AGAP1: variants seen among roughly 807,000 people sequenced by gnomAD.
AGAP1 encodes ArfGAP with GTPase domain, ankyrin repeat and PH domain 1, also known as arf-GAP with GTPase, ANK repeat and PH domain-containing protein 1.
AGAP1 carries 29 observed loss-of-function variants against 105.3 expected under a neutral mutation model. That is an observed-to-expected ratio of 0.28 (90% CI 0.21 to 0.38). The LOEUF (loss-of-function observed/expected upper bound fraction) is 0.38, where lower values mean the gene tolerates loss of function less well. AGAP1 is among the 10% of genes least tolerant of loss of function. AGAP1 has a pLI of 1.00. For synonymous variants in AGAP1, 509 were observed against 485.9 expected, an observed-to-expected ratio of 1.05 and a Z score of -0.63; for missense variants, 998 against 1,165.1, an observed-to-expected ratio of 0.86 and a Z score of 2.09.
At chr2:236,079,079 G>A (rs1290596252) in intron 16 of AGAP1, among the ~76,000 whole-genome samples, 2 of 152,136 alleles carry the variant, frequency 1.3e-5, no homozygotes, top group East Asian at 1.9e-4. Context: ...TTAGGGCTCC[G>A]ATGCCACACC....
At chr2:235,805,275 G>C (rs926402945) in intron 8 of AGAP1, among the ~76,000 whole-genome samples, 3 of 152,160 alleles carry the variant, frequency 2.0e-5, no homozygotes, top group Non-Finnish European at 4.4e-5. Context: ...CAGATATTGA[G>C]TTTGGTGGTT....
chr2:235,989,220 TC>T lies in AGAP1; in HGVS notation c.1645+20598del. Among the ~76,000 whole-genome samples, 1 of 152,316 alleles carries T rather than the reference TC, an allele frequency of 6.6e-6. No individual in the cohort carries two copies. Among genetic ancestry groups the T allele is most frequent in the South Asian group, 2.1e-4 (1 of 4,818 alleles). On this transcript the variant is annotated intron_variant, in intron 13 of 17. Coordinates refer to ENST00000304032, the MANE Select transcript of AGAP1 (RefSeq NM_001037131.3). The surrounding 1 kb of genome is among the most constrained non-coding windows in gnomAD (Gnocchi z 4.4). ...CTTCTTCCCTGGAATTAGATATTTTTCGTTCAAGCTGCTGACAGGTATTTAT... is the reference window on the plus strand; with the variant it reads ...CTTCTTCCCTGGAATTAGATATTTTTGTTCAAGCTGCTGACAGGTATTTAT...
In AGAP1 at chr2:236,131,671, A is replaced by G. The variant is rs1269541409; in HGVS notation, c.*7549A>G. Reference sequence around the variant, plus strand: ...CCAGTTTGTATTTTCCTGCCTTGGGATTTTTTTGTGTCCGCTGTACAGTAT... The same window carrying G: ...CCAGTTTGTATTTTCCTGCCTTGGGGTTTTTTTGTGTCCGCTGTACAGTAT... On this transcript the variant is annotated 3_prime_UTR_variant, in exon 18 of 18. Transcript: ENST00000304032. This position sits in a 1 kb window ranked among gnomAD's most constrained non-coding sequence, Gnocchi z 5.9. 6.6e-6 allele frequency: 1 copy of G among 151,850 alleles called. No individual in the cohort carries two copies. The highest frequency in any genetic ancestry group is 1.5e-5 in the Non-Finnish European group (1 of 67,968). 9.4% of individuals were successfully genotyped at this position (151,850 alleles called of 1,614,324 possible). A position where few individuals can be genotyped will look rare whatever the true frequency, so the allele number is the denominator to read the frequency against.
At chr2:235,997,455 C>G (rs901788406) in intron 13 of AGAP1, among the ~76,000 whole-genome samples, 2 of 152,198 alleles carry the variant, frequency 1.3e-5, no homozygotes, top group Non-Finnish European at 2.9e-5. Context: ...CTAATGCTTT[C>G]CAGCACCTTT....
intron 16 of AGAP1, among the ~76,000 whole-genome samples, chr2:236,069,820 C>T (rs1239298381): frequency 6.6e-6 from 1 of 152,244 alleles, no homozygotes; most frequent in South Asian, 2.1e-4. Context: ...GTGACACTTT[C>T]TCTAGGGGAT....
chr2:236,034,362 AT>A (rs576389734), intron 13 of AGAP1, among the ~76,000 whole-genome samples: 65 of 151,774 alleles, frequency 4.3e-4, no homozygotes, highest in African/African-American at 1.5e-3. Context: ...TGTTGAAGGC[AT>A]GACCTGCAGA....
At position 235,577,853 on chromosome 2, in the gene AGAP1, G is replaced by GT; in HGVS notation, c.163+83004_163+83005insT. 3.3e-5 allele frequency among the ~76,000 whole-genome samples: 5 copies of GT among 152,030 alleles called. No homozygotes were observed. The highest frequency in any genetic ancestry group is 1.2e-4 in the African/African-American group (5 of 41,378). ...CAAAAGGCCCATGTCTGCTCGCTGG[G>GT]ACCTGATAGTTCGCCTTTGTACGGA... On this transcript the variant is annotated intron_variant, in intron 1 of 17. Coordinates refer to ENST00000304032, the MANE Select transcript of AGAP1 (RefSeq NM_001037131.3). This position sits in a 1 kb window ranked among gnomAD's most constrained non-coding sequence, Gnocchi z 4.5.
intron 12 of AGAP1, among the ~76,000 whole-genome samples, chr2:235,948,135 C>T (rs1208152429): frequency 1.3e-5 from 2 of 152,196 alleles, no homozygotes; most frequent in Non-Finnish European, 2.9e-5. Context: ...GTAATGAGGA[C>T]ATACTCATCT....
chr2:235,598,692 C>T (rs983764766), intron 1 of AGAP1, among the ~76,000 whole-genome samples: 4 of 152,164 alleles, frequency 2.6e-5, no homozygotes, highest in Non-Finnish European at 4.4e-5. Context: ...ACAGATGATG[C>T]GTTTTTGCTG....
At chr2:236,054,967 A>G (rs1333685786) in intron 16 of AGAP1, among the ~76,000 whole-genome samples, 1 of 152,188 alleles carries the variant, frequency 6.6e-6, no homozygotes, top group African/African-American at 2.4e-5. Context: ...TCAAGTGAGT[A>G]ATAGAGGCAG....
At chr2:235,756,073 G>A (rs1953902959) in intron 6 of AGAP1, among the ~76,000 whole-genome samples, 1 of 152,218 alleles carries the variant, frequency 6.6e-6, no homozygotes, top group Admixed American at 6.5e-5. Flanking sequence ...AGAGTGGAGA[G>A]CGGGCTCTGC....
In AGAP1 at chr2:235,818,072, A is replaced by G. The variant is rs927158828; in HGVS notation, c.1050+10741A>G. 2.0e-5 allele frequency among the ~76,000 whole-genome samples: 3 copies of G among 152,220 alleles called. No homozygotes were observed. In the South Asian group the frequency reaches 6.2e-4, roughly 32 times the overall value. On this transcript the variant is annotated intron_variant, in intron 9 of 17. Transcript: ENST00000304032. ...TGGTTCAATCCGATCTGCTCCCTGC[A>G]ATATTTACTCCCTAACCTTTCCTTC...
At chr2:236,039,056 G>T (rs1001936498) in intron 14 of AGAP1, among the ~76,000 whole-genome samples, 1 of 151,966 alleles carries the variant, frequency 6.6e-6, no homozygotes, top group Non-Finnish European at 1.5e-5. Context: ...GAATTCTTAC[G>T]CAAAAATCAA....
chr2:235,823,364 G>A (rs1958903743), intron 9 of AGAP1, among the ~76,000 whole-genome samples: 3 of 152,060 alleles, frequency 2.0e-5, no homozygotes, highest in Admixed American at 6.6e-5. Context: ...CGAGCTCCTG[G>A]CCTCAAGCAA....
rs1404447712 is a variant in AGAP1 at position 235,769,813 on chromosome 2, C to G, written c.673+19325C>G. ...TCCGAGGCAGCCTGGCTTGTGTTAG[C>G]TGAGTTCTGCTTTGGCACAGGGGAG... On this transcript the variant is annotated intron_variant, in intron 6 of 17. Coordinates refer to ENST00000304032, the MANE Select transcript of AGAP1 (RefSeq NM_001037131.3). The surrounding 1 kb of genome is among the most constrained non-coding windows in gnomAD (Gnocchi z 4.4). Among the ~76,000 whole-genome samples the G allele has an allele frequency of 1.3e-5, 2 of 152,152 alleles. No homozygotes were observed. The highest frequency in any genetic ancestry group is 2.1e-4 in the South Asian group (1 of 4,828).
chr2:235,860,235 C>G (rs2048872507), intron 9 of AGAP1, among the ~76,000 whole-genome samples: 1 of 152,330 alleles, frequency 6.6e-6, no homozygotes, highest in Middle Eastern at 3.4e-3. Flanking sequence ...AACTTTATCT[C>G]TGAGCATCCT....
rs1466618319 is a variant in AGAP1, at chr2:236,114,172, T to C, written c.2115-6020T>C. Reference sequence around the variant, plus strand: ...ACGGTGATCCTCCCGGGGATTGGAATGAGGGGAGGTGATCTACTGCCGGCT... The same window carrying C: ...ACGGTGATCCTCCCGGGGATTGGAACGAGGGGAGGTGATCTACTGCCGGCT... On this transcript the variant is annotated intron_variant, in intron 16 of 17. Transcript: ENST00000304032. This position sits in a 1 kb window ranked among gnomAD's most constrained non-coding sequence, Gnocchi z 5.0. Among the ~76,000 whole-genome samples, 1 of 152,060 alleles carries C rather than the reference T, an allele frequency of 6.6e-6. No homozygotes were observed. The highest frequency in any genetic ancestry group is 2.4e-5 in the African/African-American group (1 of 41,418).
intron 1 of AGAP1, among the ~76,000 whole-genome samples, chr2:235,632,341 G>A (rs140960755): frequency 6.6e-6 from 1 of 152,282 alleles, no homozygotes; most frequent in Non-Finnish European, 1.5e-5. Context: ...GGCTATCCTC[G>A]GGGTGCCTCA....
intron 1 of AGAP1, among the ~76,000 whole-genome samples, chr2:235,645,758 T>C (rs1453660926): frequency 6.6e-6 from 1 of 152,164 alleles, no homozygotes; most frequent in African/African-American, 2.4e-5. Flanking sequence ...CAGAAACAAC[T>C]AGCCAGTCTC....
Sources: allele counts gnomAD v4.1 joint callset (sites outside exome capture counted in the v4.1 genomes callset), GRCh38; gene constraint gnomAD v4.1.1; non-coding constraint Gnocchi (gnomAD v3.1); transcripts MANE v1.5; gene names NCBI Gene and HGNC (gene_info 2026-07-23, HGNC 2026-07-21).